Variants in MROH2B observed in about 807,000 individuals in gnomAD.
MROH2B encodes maestro heat like repeat family member 2B, also known as maestro heat-like repeat-containing protein family member 2B.
Under a neutral mutation model 208.6 loss-of-function variants are expected in MROH2B, and 177 were observed. The ratio of observed to expected loss-of-function variants is 0.85; its 90% confidence interval spans 0.75 to 0.96. The LOEUF (loss-of-function observed/expected upper bound fraction) is 0.96, where lower values mean the gene tolerates loss of function less well. MROH2B is among the 40% of genes least tolerant of loss of function. MROH2B has a pLI of 0.00. For synonymous variants in MROH2B, 728 were observed against 659.0 expected, an observed-to-expected ratio of 1.10 and a Z score of -1.60; for missense variants, 2,002 against 1,878.7, an observed-to-expected ratio of 1.07 and a Z score of -1.21.
Position 41,064,579 on chromosome 5 carries a change from A to T in MROH2B, c.362-9T>A. The T allele has an allele frequency of 6.2e-7, 1 of 1,602,142 alleles. No individual in the cohort carries two copies. On this transcript the variant is annotated splice_polypyrimidine_tract_variant and intron_variant, in intron 4 of 41. Transcript: ENST00000399564. Reference sequence around the variant, plus strand: ...AGGAATACTCTGGGACACTGGAGGGAGAGGCAGAAAGGAGACAAGTGTTAT... The same window carrying T: ...AGGAATACTCTGGGACACTGGAGGGTGAGGCAGAAAGGAGACAAGTGTTAT...
At chr5:41,001,932 G>A (rs1741411425) in intron 37 of MROH2B, among the ~76,000 whole-genome samples, 1 of 152,074 alleles carries the variant, frequency 6.6e-6, no homozygotes, top group Non-Finnish European at 1.5e-5. Context: ...GTCCTGAATA[G>A]CAGAATATTA....
At chr5:41,003,104 G>T (rs1248150468) in intron 37 of MROH2B, among the ~76,000 whole-genome samples, 1 of 151,882 alleles carries the variant, frequency 6.6e-6, no homozygotes, top group East Asian at 1.9e-4. Context: ...GGGACTACAG[G>T]CGCGCACCGC....
intron 7 of MROH2B, among the ~76,000 whole-genome samples, chr5:41,057,673 C>T (rs1303691427): frequency 6.7e-6 from 1 of 148,972 alleles, no homozygotes; most frequent in Non-Finnish European, 1.5e-5. Flanking sequence ...TCTCCTGCCT[C>T]AGCCTCCCGA....
At chr5:41,026,067 C>T (rs907493562) in intron 24 of MROH2B, among the ~76,000 whole-genome samples, 5 of 97,172 alleles carry the variant, frequency 5.1e-5, no homozygotes, top group African/African-American at 1.8e-4. Flanking sequence ...ATGACAAACG[C>T]CCAGCCAATA....
At chr5:40,999,109 G>T (rs187857228) in intron 40 of MROH2B, among the ~76,000 whole-genome samples, 1 of 152,178 alleles carries the variant, frequency 6.6e-6, no homozygotes, top group African/African-American at 2.4e-5. Flanking sequence ...GTTGGAACAG[G>T]CTTCAAAGTA....
intron 24 of MROH2B, among the ~76,000 whole-genome samples, chr5:41,030,662 G>C (rs325823): frequency 0.77 from 116,517 of 151,948 alleles, 45,007 homozygotes; most frequent in Non-Finnish European, 0.81. Flanking sequence ...GCCCACATAG[G>C]GAAAGCAATA....
At chr5:41,053,981 A>G (rs1743365995) in intron 11 of MROH2B, among the ~76,000 whole-genome samples, 1 of 151,736 alleles carries the variant, frequency 6.6e-6, no homozygotes, top group African/African-American at 2.4e-5. Context: ...CTAACATAGA[A>G]CACCTTTTTT....
chr5:41,034,555 C>T (rs1026908266), intron 21 of MROH2B, among the ~76,000 whole-genome samples: 1 of 152,094 alleles, frequency 6.6e-6, no homozygotes, highest in African/African-American at 2.4e-5. Context: ...ATAACCCTTA[C>T]CATTTCATAG....
At chr5:41,019,961 T>C (rs957372269) in intron 24 of MROH2B, among the ~76,000 whole-genome samples, 1 of 152,176 alleles carries the variant, frequency 6.6e-6, no homozygotes, top group Non-Finnish European at 1.5e-5. Context: ...CTCTATTTTT[T>C]TTTCTATGCT....
chr5:41,008,510 C>T, intron 33 of MROH2B, 96 bp downstream of exon 33: 1 of 1,382,068 alleles, frequency 7.2e-7, no homozygotes, highest in Non-Finnish European at 9.9e-7. Flanking sequence ...ACAATGGATG[C>T]TATGACAGAA....
intron 34 of MROH2B, among the ~76,000 whole-genome samples, chr5:41,006,359 G>A (rs758332885): frequency 7.9e-5 from 12 of 152,132 alleles, no homozygotes; most frequent in African/African-American, 2.4e-4. Context: ...CATGGATGCC[G>A]TGAAAAGAGA....
intron 24 of MROH2B, among the ~76,000 whole-genome samples, chr5:41,031,201 A>T (rs1440027753): frequency 6.6e-6 from 1 of 152,168 alleles, no homozygotes; most frequent in Admixed American, 6.6e-5. Context: ...GGAAACTTAC[A>T]ACTGTGGCCA....
At chr5:41,031,484 C>T (rs1420564906) in intron 24 of MROH2B, among the ~76,000 whole-genome samples, 1 of 152,022 alleles carries the variant, frequency 6.6e-6, no homozygotes, top group African/African-American at 2.4e-5. Context: ...GGAAATAGAC[C>T]AAAATGCTGG....
Position 41,033,176 on chromosome 5 carries a change from T to C in MROH2B, c.2242-16A>G, listed in dbSNP as rs746171247. 2.5e-6 allele frequency: 4 copies of C among 1,611,828 alleles called. No homozygotes were observed. Among genetic ancestry groups the C allele is most frequent in the Admixed American group, 3.3e-5 (2 of 59,764 alleles). ...GATCCATGTCCTAAAGCAAAAGCAT[T>C]TACAATGCAAGTCAAGGTCTAAGAC... On this transcript the variant is annotated splice_polypyrimidine_tract_variant and intron_variant, in intron 22 of 41. Coordinates refer to ENST00000399564, the MANE Select transcript of MROH2B (RefSeq NM_173489.5).
In MROH2B at chr5:41,008,529, C is replaced by T. The variant is rs56364240; in HGVS notation, c.3608+77G>A. 4.0e-3 allele frequency: 6,082 copies of T among 1,522,556 alleles called. 216 individuals carry two copies. In the African/African-American group the frequency reaches 0.07, roughly 17 times the overall value. 94.3% of individuals were successfully genotyped at this position (1,522,556 alleles called of 1,614,324 possible). Reference sequence around the variant, plus strand: ...TGGATGCTATGACAGAAAGCACAGACCCTGACTTCTGCAGCACCACTCCTG... The same window carrying T: ...TGGATGCTATGACAGAAAGCACAGATCCTGACTTCTGCAGCACCACTCCTG... On this transcript the variant is annotated intron_variant, in intron 33 of 41. Coordinates refer to ENST00000399564, the MANE Select transcript of MROH2B (RefSeq NM_173489.5).
At chr5:41,019,105 C>G (rs1742058200) in intron 24 of MROH2B, 87 bp from the exon 25 acceptor site, 1 of 1,530,004 alleles carries the variant, frequency 6.5e-7, no homozygotes, top group East Asian at 2.3e-5. Flanking sequence ...CCAATCACAT[C>G]TGACCAGGCA....
At chr5:41,025,375 T>C (rs1335271074) in intron 24 of MROH2B, among the ~76,000 whole-genome samples, 4 of 151,946 alleles carry the variant, frequency 2.6e-5, no homozygotes, top group Admixed American at 6.6e-5. Context: ...CCCACAGAAA[T>C]ACAAACTACC....
chr5:41,009,717 A>G (rs1741713122), intron 31 of MROH2B, among the ~76,000 whole-genome samples: 1 of 152,216 alleles, frequency 6.6e-6, no homozygotes, highest in African/African-American at 2.4e-5. Flanking sequence ...TAAAAATATT[A>G]TTATGCAATA....
intron 39 of MROH2B, chr5:40,999,980 A>G: frequency 1.5e-6 from 1 of 682,900 alleles, no homozygotes; most frequent in Non-Finnish European, 2.4e-6. Context: ...ATTAATCAAC[A>G]GATATGAATT....
Sources: allele counts gnomAD v4.1 joint callset (sites outside exome capture counted in the v4.1 genomes callset), GRCh38; gene constraint gnomAD v4.1.1; transcripts MANE v1.5; gene names NCBI Gene and HGNC (gene_info 2026-07-23, HGNC 2026-07-21).